The following RIMBP2 variants were observed in gnomAD, a reference collection of about 807,000 sequenced individuals.
RIMBP2 encodes the protein RIMS binding protein 2, also known as RIMS-binding protein 2.
Under a neutral mutation model 118.6 loss-of-function variants are expected in RIMBP2, and 48 were observed. That is an observed-to-expected ratio of 0.40 (90% CI 0.32 to 0.51). The LOEUF (loss-of-function observed/expected upper bound fraction) is 0.51. Among genes scored for constraint, RIMBP2 ranks in the 20% least tolerant of loss-of-function variants. RIMBP2 has a pLI of 0.41. For missense variants in RIMBP2, 1,551 were observed against 1,768.3 expected, an observed-to-expected ratio of 0.88 and a Z score of 2.20; for synonymous variants, 762 against 742.9, an observed-to-expected ratio of 1.03 and a Z score of -0.42.
intron 1 of RIMBP2, among the ~76,000 whole-genome samples, chr12:130,669,693 G>A (rs1286858949): frequency 6.6e-6 from 1 of 152,144 alleles, no homozygotes. Flanking sequence ...ACCTGGTCTT[G>A]GGTATGTCTT....
chr12:130,552,052 T>C (rs1273444461), intron 2 of RIMBP2, among the ~76,000 whole-genome samples: 1 of 152,222 alleles, frequency 6.6e-6, no homozygotes, highest in Non-Finnish European at 1.5e-5. Context: ...AATTAGATAA[T>C]GGGTTGCTTG....
chr12:130,586,220 C>T (rs1289305588), intron 2 of RIMBP2, among the ~76,000 whole-genome samples: 1 of 152,106 alleles, frequency 6.6e-6, no homozygotes. Flanking sequence ...TTTGGGAGAC[C>T]AAGGTGGGTG....
At chr12:130,399,497 G>A (rs983270613) in intron 22 of RIMBP2, among the ~76,000 whole-genome samples, 182 bp downstream of exon 22, 2 of 152,078 alleles carry the variant, frequency 1.3e-5, no homozygotes, top group Non-Finnish European at 2.9e-5. Context: ...TTTGTAAAAT[G>A]AGTAAGATTT....
At chr12:130,462,239 GA>G (rs373886021) in intron 6 of RIMBP2, among the ~76,000 whole-genome samples, 14 of 152,188 alleles carry the variant, frequency 9.2e-5, no homozygotes, top group African/African-American at 3.4e-4. Flanking sequence ...GGGGGTTCTG[GA>G]ACTTAGAATT....
chr12:130,695,884 T>C (rs1000826281), intron 1 of RIMBP2, among the ~76,000 whole-genome samples: 1 of 150,654 alleles, frequency 6.6e-6, no homozygotes, highest in Non-Finnish European at 1.5e-5. Flanking sequence ...TGAAGAGGAG[T>C]CATGGTTGAT....
At chr12:130,399,579 C>T in intron 22 of RIMBP2, 100 bp downstream of exon 22, 1 of 1,409,256 alleles carries the variant, frequency 7.1e-7, no homozygotes, top group African/African-American at 1.4e-5. Context: ...TGTATTTACG[C>T]TTTTCGGCCC....
intron 2 of RIMBP2, among the ~76,000 whole-genome samples, chr12:130,592,422 G>A (rs2059324578): frequency 6.6e-6 from 1 of 152,140 alleles, no homozygotes; most frequent in African/African-American, 2.4e-5. Flanking sequence ...CAGATGCAGT[G>A]GCTCACACCT....
At chr12:130,619,948 C>T (rs186865451) in intron 2 of RIMBP2, among the ~76,000 whole-genome samples, 10 of 152,260 alleles carry the variant, frequency 6.6e-5, no homozygotes, top group African/African-American at 2.2e-4. Flanking sequence ...GTGCTCTGTG[C>T]CAGGAAGACA....
At position 130,422,805 on chromosome 12, in the gene RIMBP2, G is replaced by A. The variant is rs1287871293; in HGVS notation, c.3130-244C>T. 1.3e-5 allele frequency among the ~76,000 whole-genome samples: 2 copies of A among 152,166 alleles called. No homozygotes were observed. The highest frequency in any genetic ancestry group is 3.9e-4 in the East Asian group (2 of 5,182). ...GGCAAAAATAATTCCTTGTGGGGGG[G>A]TCTCTTTTGGTTGCTGCTGCTGGTG... On this transcript the variant is annotated intron_variant, in intron 16 of 22. Coordinates refer to ENST00000690449, the MANE Select transcript of RIMBP2 (RefSeq NM_001393629.1). The surrounding 1 kb of genome is among the most constrained non-coding windows in gnomAD (Gnocchi z 5.2).
At chr12:130,648,835 T>C (rs1347166371) in intron 1 of RIMBP2, among the ~76,000 whole-genome samples, 1 of 145,312 alleles carries the variant, frequency 6.9e-6, no homozygotes, top group East Asian at 2.0e-4. Context: ...TTTGTATTTT[T>C]AGTAGGGACA....
intron 1 of RIMBP2, among the ~76,000 whole-genome samples, chr12:130,655,280 C>T (rs1205033309): frequency 6.6e-6 from 1 of 152,360 alleles, no homozygotes; most frequent in Admixed American, 6.5e-5. Flanking sequence ...CTTCATTGCT[C>T]TTGCTGCTGT....
chr12:130,579,957 G>A (rs1049539987), intron 2 of RIMBP2, among the ~76,000 whole-genome samples: 1 of 150,282 alleles, frequency 6.7e-6, no homozygotes, highest in Non-Finnish European at 1.5e-5. Flanking sequence ...GGCGAGGCAG[G>A]CGATCACCTG....
chr12:130,522,362 G>C (rs1372263693), intron 2 of RIMBP2, among the ~76,000 whole-genome samples: 4 of 152,210 alleles, frequency 2.6e-5, no homozygotes, highest in Non-Finnish European at 2.9e-5. Context: ...GAGGTTCGGG[G>C]AACATGGCAA....
At chr12:130,518,986 G>T (rs1320921773) in intron 2 of RIMBP2, among the ~76,000 whole-genome samples, 1 of 152,238 alleles carries the variant, frequency 6.6e-6, no homozygotes, top group East Asian at 1.9e-4. Flanking sequence ...AAAAGGAAGA[G>T]AAGCAGAAGG....
In RIMBP2 at chr12:130,419,557, AC is replaced by A. The variant is rs1186642174; in HGVS notation, c.3238+2895del. Reference sequence around the variant, plus strand: ...TTTTGATTTTTTTTATTGCAGGGAAACCTGAAGAAAAGAGCTCCCCTTTTTA... The same window carrying A: ...TTTTGATTTTTTTTATTGCAGGGAAACTGAAGAAAAGAGCTCCCCTTTTTA... On this transcript the variant is annotated intron_variant, in intron 17 of 22. Coordinates refer to ENST00000690449, the MANE Select transcript of RIMBP2 (RefSeq NM_001393629.1). The surrounding 1 kb of genome is among the most constrained non-coding windows in gnomAD (Gnocchi z 4.3). 2 of 152,202 alleles carry A rather than the reference AC, an allele frequency of 1.3e-5. No individual in the cohort carries two copies. The highest frequency in any genetic ancestry group is 2.9e-5 in the Non-Finnish European group (2 of 68,036). 9.4% of individuals were successfully genotyped at this position (152,202 alleles called of 1,614,324 possible).
At chr12:130,711,999 A>G (rs542247830) in intron 1 of RIMBP2, among the ~76,000 whole-genome samples, 306 of 152,346 alleles carry the variant, frequency 2.0e-3, no homozygotes, top group Admixed American at 5.6e-3. Context: ...TTCTGCATCT[A>G]ATCATAGAAG....
intron 2 of RIMBP2, among the ~76,000 whole-genome samples, chr12:130,580,926 G>GGTTGT (rs2058433946): frequency 6.7e-6 from 1 of 149,340 alleles, no homozygotes; most frequent in South Asian, 2.1e-4. Context: ...ACCCAGCAAT[G>GGTTGT]GTGTGTGTGT....
At chr12:130,585,896 C>T (rs1019915269) in intron 2 of RIMBP2, among the ~76,000 whole-genome samples, 5 of 152,066 alleles carry the variant, frequency 3.3e-5, no homozygotes, top group South Asian at 4.1e-4. Flanking sequence ...GTCTGCCAGC[C>T]CTGAGACTAC....
intron 14 of RIMBP2, chr12:130,429,492 C>G (rs2077021209): frequency 6.6e-6 from 1 of 152,218 alleles, no homozygotes; most frequent in South Asian, 2.1e-4. Flanking sequence ...CCTTCGACAA[C>G]TCGAACTACA....
Sources: allele counts gnomAD v4.1 joint callset (sites outside exome capture counted in the v4.1 genomes callset), GRCh38; gene constraint gnomAD v4.1.1; non-coding constraint Gnocchi (gnomAD v3.1); transcripts MANE v1.5; gene names NCBI Gene and HGNC (gene_info 2026-07-23, HGNC 2026-07-21).